Variants in PALS1 observed in about 807,000 individuals in gnomAD.
PALS1 encodes the protein protein PALS1.
A neutral mutation model predicts 78.9 loss-of-function variants in PALS1; 31 were observed. The ratio of observed to expected loss-of-function variants is 0.39; its 90% CI spans 0.30 to 0.53. The LOEUF (loss-of-function observed/expected upper bound fraction) is 0.53, where lower values mean the gene tolerates loss of function less well. Ranked by LOEUF, PALS1 falls within the 20% of genes least tolerant of loss-of-function variation. The pLI is 0.67. For synonymous variants in PALS1, 276 were observed against 270.9 expected, an observed-to-expected ratio of 1.02 and a Z score of -0.18; for missense variants, 704 against 826.5, an observed-to-expected ratio of 0.85 and a Z score of 1.82.
chr14:67,277,798 G>T (rs1019365364), intron 2 of PALS1, among the ~76,000 whole-genome samples: 2 of 152,110 alleles, frequency 1.3e-5, no homozygotes, highest in Non-Finnish European at 2.9e-5. Flanking sequence ...ATTAACTCAT[G>T]TGAAACTCAG....
At chr14:67,316,950 A>C in intron 10 of PALS1, 47 bp downstream of exon 10, 1 of 1,452,264 alleles carries the variant, frequency 6.9e-7, no homozygotes, top group Non-Finnish European at 9.5e-7. Flanking sequence ...TTGGGTCTTC[A>C]TCTGGAGCCA....
At chr14:67,328,175 T>A (rs1346248567) in intron 14 of PALS1, among the ~76,000 whole-genome samples, 2 of 152,254 alleles carry the variant, frequency 1.3e-5, no homozygotes, top group African/African-American at 2.4e-5. Flanking sequence ...ATCGCCATTC[T>A]AACTGGTGTG....
At chr14:67,256,402 T>C (rs1680766483) in intron 1 of PALS1, among the ~76,000 whole-genome samples, 2 of 152,184 alleles carry the variant, frequency 1.3e-5, no homozygotes, top group African/African-American at 2.4e-5. Flanking sequence ...CTGGGTATTA[T>C]ATATTTTAAA....
chr14:67,269,364 T>A (rs2084377432), intron 1 of PALS1, among the ~76,000 whole-genome samples: 1 of 152,016 alleles, frequency 6.6e-6, no homozygotes, highest in African/African-American at 2.4e-5. Flanking sequence ...GATGTATGAT[T>A]TTATTTCTCT....
intron 8 of PALS1, among the ~76,000 whole-genome samples, chr14:67,303,823 A>C (rs2084962740): frequency 6.6e-6 from 1 of 151,430 alleles, no homozygotes; most frequent in African/African-American, 2.4e-5. Flanking sequence ...GGTAGAGTGC[A>C]GTGGTGTGAT....
At chr14:67,289,766 GTCCTTTTTTTTTTT>G (rs1013747135) in intron 3 of PALS1, among the ~76,000 whole-genome samples, 2 of 136,584 alleles carry the variant, frequency 1.5e-5, no homozygotes, top group African/African-American at 5.5e-5. Flanking sequence ...TTTTTTCCAT[GTCCTTTTTTTTTTT>G]TTTTTTTTTT....
rs1411089961 is a variant in PALS1, at chr14:67,279,294, G to T, written c.124G>T (p.Asp42Tyr). 6.2e-7 allele frequency: 1 copy of T among 1,613,948 alleles called. No homozygotes were observed. The highest frequency in any genetic ancestry group is 8.5e-7 in the Non-Finnish European group (1 of 1,179,984). The change falls in exon 3 of 15, where the codon GAT becomes TAT. Residue 42 changes from aspartate (D) to tyrosine (Y), a missense_variant. Asp to Tyr is a radical substitution (Grantham distance 160). Coordinates refer to ENST00000261681, the MANE Select transcript of PALS1 (RefSeq NM_022474.4). ...AGAGATGGCTGTTGACTGCCCTGGA[G>T]ATTTGGGCACCAGGATGATGCCAAT... ...HREMAVDCPG[D>Y]LGTRMMPIRR...
Position 67,292,538 on chromosome 14 carries a change from A to T in PALS1, c.395A>T (p.Lys132Ile). ...ATAGAAGACTTGTTTTCTTCACTTA[A>T]ACATATCCAACATACTTTGGTAGAT... ...LEIEDLFSSLKHIQHTLVDSQ... is the reference protein window; with the variant it reads ...LEIEDLFSSLIHIQHTLVDSQ... Residue 132 changes from lysine (K) to isoleucine (I), a missense_variant, in exon 4 of 15, where the codon AAA becomes ATA. Coordinates refer to ENST00000261681, the MANE Select transcript of PALS1 (RefSeq NM_022474.4). The T allele has an allele frequency of 3.7e-6, 6 of 1,612,762 alleles. No individual in the cohort carries two copies. Among genetic ancestry groups the T allele is most frequent in the Non-Finnish European group, 5.1e-6 (6 of 1,178,954 alleles).
intron 1 of PALS1, among the ~76,000 whole-genome samples, chr14:67,268,427 C>A (rs2084362862): frequency 6.6e-6 from 1 of 152,094 alleles, no homozygotes. Flanking sequence ...AAAATGAAAG[C>A]AAGTTTATGA....
intron 8 of PALS1, chr14:67,311,978 C>T (rs1261453015): frequency 6.6e-6 from 1 of 152,618 alleles, no homozygotes; most frequent in Admixed American, 6.5e-5. Flanking sequence ...CAGGGAAGCT[C>T]ATATTTACCT....
intron 2 of PALS1, among the ~76,000 whole-genome samples, chr14:67,273,131 T>A (rs1166426923): frequency 6.8e-6 from 1 of 148,010 alleles, no homozygotes; most frequent in Non-Finnish European, 1.5e-5. Flanking sequence ...TTTTTTTTTT[T>A]TATACTTTAA....
At chr14:67,286,695 A>G (rs78816638) in intron 3 of PALS1, among the ~76,000 whole-genome samples, 2,896 of 150,444 alleles carry the variant, frequency 0.019, 45 homozygotes, top group Middle Eastern at 0.031. Context: ...ATCTCTACCA[A>G]AAAAAATACA....
At position 67,323,801 on chromosome 14, in the gene PALS1, A is replaced by C. The variant is rs1406624281; in HGVS notation, c.1840A>C (p.Lys614Gln). 1 of 1,557,484 alleles carries C rather than the reference A, an allele frequency of 6.4e-7. No individual in the cohort carries two copies. ...TCGGGCATTATTGGCCAAAGAAGGC[A>C]AGAATCCAAAGGTAAAGTTTTCACA... ...RLRALLAKEG[K>Q]NPKPEELREI... The change falls in exon 14 of 15, where the codon AAG becomes CAG. Residue 614 changes from lysine (K) to glutamine (Q), a missense_variant. By Grantham distance (53) the Lys-to-Gln change is moderately conservative. Transcript: ENST00000261681.
chr14:67,330,403 G>T (rs1321217211), intron 14 of PALS1, among the ~76,000 whole-genome samples: 1 of 150,200 alleles, frequency 6.7e-6, no homozygotes, highest in Non-Finnish European at 1.5e-5. Flanking sequence ...CGTAAGTTTT[G>T]GCATTGTATT....
intron 14 of PALS1, among the ~76,000 whole-genome samples, chr14:67,324,056 A>G (rs1486710585): frequency 1.3e-5 from 2 of 152,166 alleles, no homozygotes; most frequent in Non-Finnish European, 2.9e-5. Context: ...TGACATTTCT[A>G]GGGAGATGTG....
chr14:67,302,422 C>G lies in PALS1; in HGVS notation c.814C>G (p.Arg272Gly), dbSNP rs749130375. 16 of 1,586,708 alleles carry G rather than the reference C, an allele frequency of 1.0e-5. No homozygotes were observed. Among genetic ancestry groups the G allele is most frequent in the Non-Finnish European group, 1.2e-5 (14 of 1,165,590 alleles). The change falls in exon 7 of 15, where the codon CGT becomes GGT. Residue 272 changes from arginine (R) to glycine (G), a missense_variant. Coordinates refer to ENST00000261681, the MANE Select transcript of PALS1 (RefSeq NM_022474.4). ...ARDIPLGATV[R>G]NEMDSVIISR... is the part of the protein sequence containing the mutation. ...TATATATTTTTAGGGTGCTACAGTTCGTAATGAAATGGACTCTGTCATCAT... is the reference window on the plus strand; with the variant it reads ...TATATATTTTTAGGGTGCTACAGTTGGTAATGAAATGGACTCTGTCATCAT...
chr14:67,284,429 T>TAAAAAAAAAAAA (rs530863294), intron 3 of PALS1, among the ~76,000 whole-genome samples: 2 of 92,676 alleles, frequency 2.2e-5, no homozygotes, highest in Admixed American at 1.2e-4. Flanking sequence ...CCCTATCTCT[T>TAAAAAAAAAAAA]AAAAAAAAAA....
rs1298950926 is a variant in PALS1, at chr14:67,279,522, G to T, written c.352G>T (p.Ala118Ser). Residue 118 changes from alanine (A) to serine (S), a missense_variant, in exon 3 of 15, where the codon GCT becomes TCT. By Grantham distance (99) the Ala-to-Ser change is moderately conservative. Transcript: ENST00000261681. The stretch of plus-strand genomic sequence containing the variant: ...AATTGTCTTAGAAAGTCCTCATTAT[G>T]CTGTGAAAATATTAGGTAAGTAAAA... ...EGIVLESPHYAVKILEIEDLF... is the reference protein window; with the variant it reads ...EGIVLESPHYSVKILEIEDLF... 1.3e-6 allele frequency: 2 copies of T among 1,534,470 alleles called. No homozygotes were observed. The highest frequency in any genetic ancestry group is 8.7e-7 in the Non-Finnish European group (1 of 1,144,484).
intron 1 of PALS1, among the ~76,000 whole-genome samples, chr14:67,252,037 C>T (rs2084072296): frequency 6.6e-6 from 1 of 152,162 alleles, no homozygotes; most frequent in South Asian, 2.1e-4. Flanking sequence ...CTGGAGAAGG[C>T]ATGGAAGCTC....
Sources: allele counts gnomAD v4.1 joint callset (sites outside exome capture counted in the v4.1 genomes callset), GRCh38; gene constraint gnomAD v4.1.1; transcripts MANE v1.5; gene names NCBI Gene and HGNC (gene_info 2026-07-23, HGNC 2026-07-21).